The following MNAT1 variants were observed in gnomAD, a reference collection of about 807,000 sequenced individuals.
The protein encoded by MNAT1 is CDK-activating kinase assembly factor MAT1.
In MNAT1, 43 loss-of-function variants were observed where a neutral mutation model predicts 42.0. The ratio of observed to expected loss-of-function variants is 1.02; its 90% CI spans 0.80 to 1.32. The LOEUF (loss-of-function observed/expected upper bound fraction) is 1.32, where lower values mean the gene tolerates loss of function less well. Ranked by LOEUF, MNAT1 falls within the 40% of genes most tolerant of loss-of-function variation. MNAT1 has a pLI of 0.00. For missense variants in MNAT1, 306 were observed against 350.4 expected, an observed-to-expected ratio of 0.87 and a Z score of 1.01; for synonymous variants, 118 against 120.0, an observed-to-expected ratio of 0.98 and a Z score of 0.11.
At chr14:60,905,964 T>A (rs950880547) in intron 7 of MNAT1, among the ~76,000 whole-genome samples, 11 of 152,236 alleles carry the variant, frequency 7.2e-5, no homozygotes, top group African/African-American at 2.7e-4. Context: ...TTCCATATGA[T>A]AATTAGTACT....
At chr14:60,817,100 G>A (rs1243078644) in intron 5 of MNAT1, among the ~76,000 whole-genome samples, 2 of 151,746 alleles carry the variant, frequency 1.3e-5, no homozygotes. Context: ...AAATTGAAAA[G>A]CAATACTTTT....
At chr14:60,855,492 G>T (rs183953758) in intron 6 of MNAT1, among the ~76,000 whole-genome samples, 6 of 152,264 alleles carry the variant, frequency 3.9e-5, no homozygotes, top group African/African-American at 1.4e-4. Context: ...CAAAAACCGT[G>T]GGAAAAGTGT....
intron 7 of MNAT1, among the ~76,000 whole-genome samples, chr14:60,909,001 T>A (rs2035281261): frequency 6.6e-6 from 1 of 152,214 alleles, no homozygotes; most frequent in African/African-American, 2.4e-5. Flanking sequence ...CCTGACTTTT[T>A]AATGATTGCC....
chr14:60,797,752 C>A (rs944932264), intron 2 of MNAT1, among the ~76,000 whole-genome samples: 1 of 151,916 alleles, frequency 6.6e-6, no homozygotes, highest in African/African-American at 2.4e-5. Flanking sequence ...ATGGTGAAGT[C>A]CCATCTCTAC....
intron 5 of MNAT1, 102 bp downstream of exon 5, chr14:60,812,229 G>A (rs772318684): frequency 1.6e-4 from 186 of 1,143,068 alleles, no homozygotes; most frequent in Non-Finnish European, 1.6e-4. Flanking sequence ...CACAGTGTTT[G>A]TAATCTGGTT....
chr14:60,754,041 C>A (rs2030221085), intron 1 of MNAT1: 1 of 152,236 alleles, frequency 6.6e-6, no homozygotes, highest in African/African-American at 2.4e-5. Flanking sequence ...CTGAGACCTT[C>A]TACTAACCGC....
intron 7 of MNAT1, among the ~76,000 whole-genome samples, chr14:60,951,651 A>T (rs1047032050): frequency 1.3e-5 from 2 of 152,080 alleles, no homozygotes; most frequent in Admixed American, 6.6e-5. Context: ...TTCTTTTGAC[A>T]TTAAATATAC....
intron 1 of MNAT1, among the ~76,000 whole-genome samples, chr14:60,786,723 A>G (rs1229607014): frequency 6.6e-6 from 1 of 152,212 alleles, no homozygotes; most frequent in Non-Finnish European, 1.5e-5. Context: ...GCTTGGCTTA[A>G]GAGAAGAAAA....
intron 7 of MNAT1, among the ~76,000 whole-genome samples, chr14:60,936,974 CAGT>C (rs1187119611): frequency 6.6e-6 from 1 of 151,630 alleles, no homozygotes; most frequent in Non-Finnish European, 1.5e-5. Context: ...CTCTGATGGC[CAGT>C]GATGCTGAGC....
At chr14:60,832,526 C>T (rs2033255640) in intron 6 of MNAT1, among the ~76,000 whole-genome samples, 1 of 152,060 alleles carries the variant, frequency 6.6e-6, no homozygotes, top group Non-Finnish European at 1.5e-5. Flanking sequence ...TTTTATGTTT[C>T]ATTGGTCTAT....
At chr14:60,951,764 T>A (rs988400332) in intron 7 of MNAT1, among the ~76,000 whole-genome samples, 2 of 151,062 alleles carry the variant, frequency 1.3e-5, no homozygotes, top group African/African-American at 4.9e-5. Flanking sequence ...TTCATTTAAA[T>A]TTTTTTTTTC....
chr14:60,939,929 A>C (rs2036104231), intron 7 of MNAT1, among the ~76,000 whole-genome samples: 1 of 152,138 alleles, frequency 6.6e-6, no homozygotes, highest in Non-Finnish European at 1.5e-5. Flanking sequence ...TATTGGGTGC[A>C]TATATATTTA....
Position 60,880,403 on chromosome 14 carries a change from G to A in MNAT1, c.809+568G>A, listed in dbSNP as rs533376528. On this transcript the variant is annotated intron_variant, in intron 7 of 7. Transcript: ENST00000261245. Reference sequence around the variant, plus strand: ...GTTATAGTCTCTCTCATGGGAGCAAGTGGGTATTTGTATACTTGAAAAGCG... The same window carrying A: ...GTTATAGTCTCTCTCATGGGAGCAAATGGGTATTTGTATACTTGAAAAGCG... Among the ~76,000 whole-genome samples, 16 of 152,288 alleles carry A rather than the reference G, an allele frequency of 1.1e-4. No homozygotes were observed. The South Asian group carries it at 3.3e-3, about 32-fold the overall frequency.
intron 7 of MNAT1, among the ~76,000 whole-genome samples, chr14:60,912,782 G>T (rs1175084370): frequency 6.6e-6 from 1 of 152,088 alleles, no homozygotes; most frequent in African/African-American, 2.4e-5. Context: ...TTCAACTTTG[G>T]TGAATCTGAC....
chr14:60,787,452 C>T (rs2031686700), intron 1 of MNAT1, among the ~76,000 whole-genome samples: 1 of 152,154 alleles, frequency 6.6e-6, no homozygotes. Flanking sequence ...ATGTTGATGG[C>T]TCCTGACTGA....
Position 60,968,882 on chromosome 14 carries a change from A to G in MNAT1, c.*533A>G. The G allele has an allele frequency of 4.5e-6, 1 of 222,018 alleles. No individual in the cohort carries two copies. 13.8% of individuals were successfully genotyped at this position (222,018 alleles called of 1,614,324 possible). ...AGTTATGGCAAGAAAAACCTGACCCATGATAATGTCATTCCCTCAATACTA... is the reference window on the plus strand; with the variant it reads ...AGTTATGGCAAGAAAAACCTGACCCGTGATAATGTCATTCCCTCAATACTA... On this transcript the variant is annotated 3_prime_UTR_variant, in exon 8 of 8. Coordinates refer to ENST00000261245, the MANE Select transcript of MNAT1 (RefSeq NM_002431.4).
At chr14:60,843,289 G>A (rs1250942202) in intron 6 of MNAT1, among the ~76,000 whole-genome samples, 1 of 151,344 alleles carries the variant, frequency 6.6e-6, no homozygotes, top group East Asian at 1.9e-4. Flanking sequence ...CTTTTCTTTT[G>A]GGATGGAGTC....
intron 7 of MNAT1, among the ~76,000 whole-genome samples, chr14:60,961,743 AT>A (rs1023313392): frequency 1.5e-4 from 22 of 150,186 alleles, no homozygotes; most frequent in African/African-American, 4.4e-4. Flanking sequence ...GCTCTCAGTA[AT>A]TTTTTTTTTG....
At chr14:60,880,234 C>T (rs190268340) in intron 7 of MNAT1, among the ~76,000 whole-genome samples, 1 of 152,012 alleles carries the variant, frequency 6.6e-6, no homozygotes, top group Non-Finnish European at 1.5e-5. Context: ...TACAGTGAAA[C>T]TACATTTATG....
Sources: gnomAD v4.1 joint callset for allele counts (sites outside exome capture counted in the v4.1 genomes callset) on GRCh38, gnomAD v4.1.1 for gene constraint, MANE v1.5 for transcripts, NCBI Gene and HGNC (gene_info 2026-07-23, HGNC 2026-07-21) for gene names.